Variants in MDGA2 observed in about 807,000 individuals in gnomAD.
MDGA2 encodes MAM domain-containing glycosylphosphatidylinositol anchor protein 2.
A neutral mutation model predicts 117.8 loss-of-function variants in MDGA2; 40 were observed. That is an observed-to-expected ratio of 0.34 (90% confidence interval 0.26 to 0.44). The LOEUF is 0.44. MDGA2 is among the 20% of genes least tolerant of loss of function. The pLI is 1.00. For synonymous variants in MDGA2, 452 were observed against 439.0 expected (o/e 1.03, Z -0.37); for missense variants, 1,123 against 1,250.6 (o/e 0.90, Z 1.54).
At chr14:47,172,202 C>T (rs916575521) in intron 3 of MDGA2, among the ~76,000 whole-genome samples, 3 of 152,142 alleles carry the variant, frequency 2.0e-5, no homozygotes, top group Non-Finnish European at 4.4e-5. Flanking sequence ...CTCTGTAGGC[C>T]CCGCCTCTGG....
chr14:47,417,717 C>T (rs954783598), intron 1 of MDGA2, among the ~76,000 whole-genome samples: 13 of 151,986 alleles, frequency 8.6e-5, no homozygotes, highest in African/African-American at 2.9e-4. Context: ...TACCAATTTT[C>T]CTTCTTTTTA....
chr14:46,861,233 A>G (rs1256944543), intron 14 of MDGA2, among the ~76,000 whole-genome samples: 1 of 151,946 alleles, frequency 6.6e-6, no homozygotes, highest in African/African-American at 2.4e-5. Flanking sequence ...AAAATAGTGC[A>G]TACTATATGT....
At chr14:47,504,945 A>C (rs1224936176) in intron 1 of MDGA2, among the ~76,000 whole-genome samples, 3 of 152,180 alleles carry the variant, frequency 2.0e-5, no homozygotes, top group Non-Finnish European at 4.4e-5. Context: ...GAATCAACCT[A>C]GCTGTCCACC....
intron 1 of MDGA2, among the ~76,000 whole-genome samples, chr14:47,537,423 TG>T (rs1273851272): frequency 6.6e-6 from 1 of 150,992 alleles, no homozygotes; most frequent in Non-Finnish European, 1.5e-5. Context: ...ACCTGCACGT[TG>T]TGCACATGTA....
At chr14:47,072,560 A>T (rs984906604) in intron 6 of MDGA2, among the ~76,000 whole-genome samples, 3 of 152,188 alleles carry the variant, frequency 2.0e-5, no homozygotes, top group African/African-American at 7.2e-5. Flanking sequence ...GATAGTTTAA[A>T]GTATTGGTTC....
At chr14:46,968,110 G>A (rs139527789) in intron 8 of MDGA2, among the ~76,000 whole-genome samples, 1 of 152,178 alleles carries the variant, frequency 6.6e-6, no homozygotes, top group Non-Finnish European at 1.5e-5. Context: ...GACCTGCCCT[G>A]GGGCTAACAC....
At chr14:47,510,551 A>C (rs1026031428) in intron 1 of MDGA2, among the ~76,000 whole-genome samples, 1 of 152,202 alleles carries the variant, frequency 6.6e-6, no homozygotes, top group East Asian at 1.9e-4. Flanking sequence ...TCAATGTCTT[A>C]AAAAAAATCT....
chr14:47,402,608 A>C (rs1381885760), intron 1 of MDGA2, among the ~76,000 whole-genome samples: 1 of 152,196 alleles, frequency 6.6e-6, no homozygotes. Flanking sequence ...AGAATGTAAA[A>C]GAAGAAAAGA....
intron 10 of MDGA2, among the ~76,000 whole-genome samples, chr14:46,882,555 C>A (rs578049712): frequency 1.3e-5 from 2 of 150,402 alleles, no homozygotes; most frequent in East Asian, 2.0e-4. Flanking sequence ...TAATGGCATA[C>A]GAGATTCTTG....
chr14:46,992,444 A>G (rs1417596553), intron 8 of MDGA2, among the ~76,000 whole-genome samples: 1 of 152,124 alleles, frequency 6.6e-6, no homozygotes, highest in African/African-American at 2.4e-5. Context: ...TCTTCTTCCC[A>G]TAAGGGGACA....
chr14:46,989,473 T>A (rs1296771813), intron 8 of MDGA2, among the ~76,000 whole-genome samples: 1 of 152,112 alleles, frequency 6.6e-6, no homozygotes, highest in Non-Finnish European at 1.5e-5. Context: ...ATGTGACTAA[T>A]CCATCTTTTT....
intron 16 of MDGA2, among the ~76,000 whole-genome samples, chr14:46,843,581 C>G (rs977555932): frequency 6.6e-6 from 1 of 152,072 alleles, no homozygotes; most frequent in African/African-American, 2.4e-5. Flanking sequence ...ACTTGAAATA[C>G]TAAGTTTATG....
At chr14:47,308,485 T>TC (rs1378234629) in intron 1 of MDGA2, among the ~76,000 whole-genome samples, 2 of 146,388 alleles carry the variant, frequency 1.4e-5, no homozygotes, top group Non-Finnish European at 3.0e-5. Flanking sequence ...TTTTCTTTTT[T>TC]CCCTCTCTTT....
intron 6 of MDGA2, among the ~76,000 whole-genome samples, chr14:47,078,176 GTATGA>G (rs1437232136): frequency 1.3e-5 from 2 of 152,038 alleles, no homozygotes; most frequent in Non-Finnish European, 2.9e-5. Flanking sequence ...GTGATTCCAG[GTATGA>G]TATTTTAGAG....
chr14:46,888,563 T>C (rs898489252), intron 10 of MDGA2, among the ~76,000 whole-genome samples: 4 of 151,932 alleles, frequency 2.6e-5, no homozygotes, highest in Admixed American at 2.0e-4. Flanking sequence ...AGAAGATAAT[T>C]AAAAAGCTAT....
chr14:47,658,816 G>T lies in MDGA2; in HGVS notation c.280+15701C>A, dbSNP rs147709272. 3.3e-4 allele frequency among the ~76,000 whole-genome samples: 50 copies of T among 152,302 alleles called. No homozygotes were observed. In the East Asian group the frequency reaches 3.7e-3, roughly 11 times the overall value. ...GGCAACCCACGTCCAAGGACTGGTA[G>T]AAAAGAGAGTAAACAGAATTCTTTC... On this transcript the variant is annotated intron_variant, in intron 1 of 16. Transcript: ENST00000399232.
chr14:46,867,320 C>G (rs1209016149), intron 14 of MDGA2, among the ~76,000 whole-genome samples: 1 of 152,010 alleles, frequency 6.6e-6, no homozygotes, highest in Non-Finnish European at 1.5e-5. Context: ...CATATTCTCA[C>G]TCATAGGTGG....
intron 1 of MDGA2, among the ~76,000 whole-genome samples, chr14:47,365,172 T>A (rs1011839532): frequency 6.6e-6 from 1 of 152,232 alleles, no homozygotes; most frequent in African/African-American, 2.4e-5. Flanking sequence ...CGCCTCTCAA[T>A]AGTATATTAT....
chr14:47,095,987 G>A (rs1879945352), intron 6 of MDGA2, among the ~76,000 whole-genome samples: 1 of 151,936 alleles, frequency 6.6e-6, no homozygotes, highest in South Asian at 2.1e-4. Context: ...ACCAGGTGAA[G>A]TGAGATATGA....
Sources: allele counts gnomAD v4.1 joint callset (sites outside exome capture counted in the v4.1 genomes callset), GRCh38; gene constraint gnomAD v4.1.1; transcripts MANE v1.5; gene names NCBI Gene and HGNC (gene_info 2026-07-23, HGNC 2026-07-21).